The following PCDH1 variants were observed in gnomAD, a reference collection of about 807,000 sequenced individuals.
PCDH1 encodes protocadherin 1.
A neutral mutation model predicts 74.6 loss-of-function variants in PCDH1; 23 were observed. The ratio of observed to expected loss-of-function variants is 0.31; its 90% confidence interval spans 0.22 to 0.44. PCDH1 has a LOEUF of 0.44. Ranked by LOEUF, PCDH1 falls within the 20% of genes least tolerant of loss-of-function variation. The probability of loss-of-function intolerance (pLI) is 1.00; values close to 1 mark genes in which losing one functional copy is unlikely to be tolerated. For missense variants in PCDH1, 1,214 were observed against 1,641.4 expected, an observed-to-expected ratio of 0.74 and a Z score of 4.50; for synonymous variants, 647 against 686.1, an observed-to-expected ratio of 0.94 and a Z score of 0.89.
At chr5:141,873,706 C>T (rs1160216874) in intron 1 of PCDH1, among the ~76,000 whole-genome samples, 12 of 151,636 alleles carry the variant, frequency 7.9e-5, no homozygotes, top group East Asian at 3.9e-4. Flanking sequence ...GATCCTCCTG[C>T]GTCAGCCTCC....
At chr5:141,860,566 G>A (rs1455878038) in intron 3 of PCDH1, among the ~76,000 whole-genome samples, 1 of 151,286 alleles carries the variant, frequency 6.6e-6, no homozygotes, top group Non-Finnish European at 1.5e-5. Context: ...ACTCTGCAGA[G>A]CCTTTAATAG....
chr5:141,856,421 C>T (rs1331729063), intron 4 of PCDH1, among the ~76,000 whole-genome samples: 1 of 152,072 alleles, frequency 6.6e-6, no homozygotes, highest in African/African-American at 2.4e-5. Context: ...TGAAACCTCC[C>T]ATCTTTTGTG....
intron 2 of PCDH1, chr5:141,866,237 C>CACCA (rs1752828073): frequency 1.3e-5 from 13 of 985,392 alleles, no homozygotes; most frequent in African/African-American, 1.7e-5. Context: ...GCTGGCGAGG[C>CACCA]ACCAATGCGA....
Position 141,865,324 on chromosome 5 carries a change from G to A in PCDH1, c.1007C>T (p.Thr336Ile). ...CGGGCCCTGAACAGTGATAAGTCCA[G>A]TGTTCCTGTCCAGTCGAAGAAGACG... ...VRRLLRLDRN[T>I]GLITVQGPVD... Residue 336 changes from threonine to isoleucine, a missense_variant, in exon 3 of 5, where the codon ACT (threonine) becomes ATT (isoleucine). Coordinates refer to ENST00000287008, the MANE Select transcript of PCDH1 (RefSeq NM_032420.5). This position sits in a 1 kb window ranked among gnomAD's most constrained non-coding sequence, Gnocchi z 4.4. The A allele has an allele frequency of 6.2e-7, 1 of 1,614,190 alleles. No homozygotes were observed. The highest frequency in any genetic ancestry group is 2.2e-5 in the East Asian group (1 of 44,880).
At position 141,865,885 on chromosome 5, in the gene PCDH1, C is replaced by A. The variant is rs562099127; in HGVS notation, c.904-458G>T. Reference sequence around the variant, plus strand: ...TGTGAATGTGCACTACATGCACGCACGCATGCACATATGTATGTGTATGAT... The same window carrying A: ...TGTGAATGTGCACTACATGCACGCAAGCATGCACATATGTATGTGTATGAT... On this transcript the variant is annotated intron_variant, in intron 2 of 4. Coordinates refer to ENST00000287008, the MANE Select transcript of PCDH1 (RefSeq NM_032420.5). This position sits in a 1 kb window ranked among gnomAD's most constrained non-coding sequence, Gnocchi z 4.4. Among the ~76,000 whole-genome samples the A allele has an allele frequency of 6.7e-6, 1 of 149,536 alleles. No individual in the cohort carries two copies. Among genetic ancestry groups the A allele is most frequent in the Non-Finnish European group, 1.5e-5 (1 of 66,632 alleles).
At chr5:141,861,872 G>A (rs1402024242) in intron 3 of PCDH1, among the ~76,000 whole-genome samples, 1 of 152,086 alleles carries the variant, frequency 6.6e-6, no homozygotes, top group East Asian at 1.9e-4. Context: ...GAGAGAGAGA[G>A]TGCAAGCAAG....
chr5:141,867,878 G>A (rs1354404387), intron 2 of PCDH1, among the ~76,000 whole-genome samples: 1 of 152,184 alleles, frequency 6.6e-6, no homozygotes, highest in African/African-American at 2.4e-5. Flanking sequence ...CCAGTCCCCA[G>A]CCCCACCAAG....
chr5:141,859,466 C>G (rs1486034847), intron 3 of PCDH1, among the ~76,000 whole-genome samples: 1 of 152,218 alleles, frequency 6.6e-6, no homozygotes, highest in Non-Finnish European at 1.5e-5. Flanking sequence ...AGTCCTGAAG[C>G]TCTAGACACT....
rs767800428 is a variant in PCDH1 at position 141,865,396 on chromosome 5, T to C, written c.935A>G (p.Asn312Ser). 1.9e-6 allele frequency: 3 copies of C among 1,613,614 alleles called. No individual in the cohort carries two copies. The highest frequency in any genetic ancestry group is 2.5e-6 in the Non-Finnish European group (3 of 1,180,020). ...VKANDSDQGA[N>S]AEIEYTFHQA... ...GTGGAATGTGTATTCGATTTCTGCA[T>C]TGGCACCTTGGTCTGAGTCATTGGC... The change falls in exon 3 of 5, where the codon AAT becomes AGT. Residue 312 changes from asparagine to serine, a missense_variant. By Grantham distance (46) the Asn-to-Ser change is conservative. This residue lies in a region of PCDH1 where 836 missense variants were observed against 1,182.2 expected (regional missense o/e 0.71). Transcript: ENST00000287008. The surrounding 1 kb of genome is among the most constrained non-coding windows in gnomAD (Gnocchi z 4.4).
Position 141,854,118 on chromosome 5 carries a change from A to G in PCDH1, c.3638T>C (p.Leu1213Pro). The change falls in exon 5 of 5, where the codon CTG (leucine) becomes CCG (proline). Residue 1213 changes from leucine to proline, a missense_variant. Transcript: ENST00000287008. ...GGGTGGGAAGTCCGAGGTCTGGGTC[A>G]GGGGGATTTCCTCCAAGGTGGCCGA... Reference protein sequence around the residue: ...KDSATLEEIPLTQTSDFPPAA... With the variant: ...KDSATLEEIPPTQTSDFPPAA... 6.3e-7 allele frequency: 1 copy of G among 1,583,338 alleles called. No individual in the cohort carries two copies. The highest frequency in any genetic ancestry group is 8.6e-7 in the Non-Finnish European group (1 of 1,162,382).
intron 2 of PCDH1, among the ~76,000 whole-genome samples, chr5:141,866,938 G>A (rs1370093027): frequency 6.6e-6 from 1 of 152,188 alleles, no homozygotes; most frequent in Non-Finnish European, 1.5e-5. Flanking sequence ...CCTTGGGAAT[G>A]GGAACTCCAG....
At chr5:141,855,954 A>ACCCCCCCCCCC (rs34330177) in intron 4 of PCDH1, among the ~76,000 whole-genome samples, 2 of 148,822 alleles carry the variant, frequency 1.3e-5, no homozygotes, top group Non-Finnish European at 3.0e-5. Flanking sequence ...CCAGGCAGTG[A>ACCCCCCCCCCC]CCCCCCCCCA....
In PCDH1 at chr5:141,864,711, C is replaced by T. The variant is rs1182598077; in HGVS notation, c.1620G>A (p.Glu540=). 2 of 1,614,178 alleles carry T rather than the reference C, an allele frequency of 1.2e-6. No homozygotes were observed. Among genetic ancestry groups the T allele is most frequent in the Admixed American group, 1.7e-5 (1 of 60,034 alleles). ...ASDADSGSNA[E]LVYSLEPEPA... The stretch of plus-strand genomic sequence containing the variant: ...GCTCAGGCTCCAGAGAGTAAACCAG[C>T]TCAGCATTAGAGCCAGAGTCAGCAT... The change falls in exon 3 of 5, where the codon GAG becomes GAA. Residue 540 remains glutamate (E), a synonymous_variant. Coordinates refer to ENST00000287008, the MANE Select transcript of PCDH1 (RefSeq NM_032420.5). This position sits in a 1 kb window ranked among gnomAD's most constrained non-coding sequence, Gnocchi z 5.9.
At chr5:141,877,937 A>G (rs1753281177) in intron 1 of PCDH1, among the ~76,000 whole-genome samples, 1 of 151,882 alleles carries the variant, frequency 6.6e-6, no homozygotes, top group African/African-American at 2.4e-5. Context: ...GAGTCTCCTT[A>G]TCCCCGTCTC....
intron 2 of PCDH1, chr5:141,866,310 C>T (rs965454788): frequency 3.5e-6 from 3 of 855,732 alleles, no homozygotes; most frequent in Non-Finnish European, 4.2e-6. Flanking sequence ...AGCCTGCTGG[C>T]AGTGGGCTGG....
Position 141,854,231 on chromosome 5 carries a change from C to T in PCDH1, c.3525G>A (p.Pro1175=), listed in dbSNP as rs150144330. 172 of 1,611,012 alleles carry T rather than the reference C, an allele frequency of 1.1e-4. No homozygotes were observed. The highest frequency in any genetic ancestry group is 5.1e-4 in the Middle Eastern group (3 of 5,890). ...EPAGAGSPSP[P]EDRNTKTAPV... ...GGGCCGTTTTGGTGTTCCGGTCTTC[C>T]GGGGGGCTGGGGCTGCCGGCGCCCG... The change falls in exon 5 of 5, where the codon CCG becomes CCA. Residue 1175 remains proline, a synonymous_variant. Coordinates refer to ENST00000287008, the MANE Select transcript of PCDH1 (RefSeq NM_032420.5).
rs567514805 is a variant in PCDH1 at position 141,854,911 on chromosome 5, A to T, written c.3320-475T>A. ...GGTCTTGAACTCCTGACCTCAGGTG[A>T]TCCACCCACCTTGACCTCCCAAAGT... On this transcript the variant is annotated intron_variant, in intron 4 of 4. Transcript: ENST00000287008. 7.3e-5 allele frequency among the ~76,000 whole-genome samples: 11 copies of T among 150,718 alleles called. No individual in the cohort carries two copies. In the East Asian group the frequency reaches 2.2e-3, roughly 30 times the overall value.
Position 141,865,101 on chromosome 5 carries a change from C to G in PCDH1, c.1230G>C (p.Glu410Asp). The G allele has an allele frequency of 6.2e-7, 1 of 1,614,206 alleles. No individual in the cohort carries two copies. Among genetic ancestry groups the G allele is most frequent in the Non-Finnish European group, 8.5e-7 (1 of 1,180,034 alleles). Reference sequence around the variant, plus strand: ...CCTGCACCAGGGCCACAGCTGTCTCCTCTGCCACATCCTCTGAGATGTTAG... The same window carrying G: ...CCTGCACCAGGGCCACAGCTGTCTCGTCTGCCACATCCTCTGAGATGTTAG... ...GMANISEDVA[E>D]ETAVALVQVS... is the part of the protein sequence containing the mutation. The change falls in exon 3 of 5, where the codon GAG (glutamate) becomes GAC (aspartate). Residue 410 changes from glutamate to aspartate, a missense_variant. Transcript: ENST00000287008. This position sits in a 1 kb window ranked among gnomAD's most constrained non-coding sequence, Gnocchi z 4.4.
chr5:141,873,438 C>T (rs1408611878), intron 1 of PCDH1, among the ~76,000 whole-genome samples: 4 of 149,240 alleles, frequency 2.7e-5, no homozygotes, highest in Non-Finnish European at 5.9e-5. Context: ...GCGCCTGGCC[C>T]GGTCCTGCAA....
Sources: allele counts gnomAD v4.1 joint callset (sites outside exome capture counted in the v4.1 genomes callset), GRCh38; gene constraint gnomAD v4.1.1; regional missense constraint gnomAD v4.1.1; non-coding constraint Gnocchi (gnomAD v3.1); transcripts MANE v1.5; gene names NCBI Gene and HGNC (gene_info 2026-07-23, HGNC 2026-07-21).